Variants in WNT3A observed in about 807,000 individuals in gnomAD.
The protein encoded by WNT3A is protein Wnt-3a.
In WNT3A, 17 loss-of-function variants were observed where a neutral mutation model predicts 37.0. The ratio of observed to expected loss-of-function variants is 0.46; its 90% confidence interval spans 0.31 to 0.69. The LOEUF is 0.69. Ranked by LOEUF, WNT3A falls within the 30% of genes least tolerant of loss-of-function variation. The pLI is 0.05. For synonymous variants in WNT3A, 187 were observed against 211.0 expected, an observed-to-expected ratio of 0.89 and a Z score of 0.99; for missense variants, 411 against 510.2, an observed-to-expected ratio of 0.81 and a Z score of 1.87.
intron 2 of WNT3A, among the ~76,000 whole-genome samples, chr1:228,023,114 CT>C (rs1481543393): frequency 6.6e-6 from 1 of 152,260 alleles, no homozygotes; most frequent in Non-Finnish European, 1.5e-5. Context: ...CCTCCTCCTC[CT>C]GCTCCCTGGA....
chr1:228,022,908 G>A lies in WNT3A; in HGVS notation c.313G>A (p.Ala105Thr). ...LAIFGPVLDK[A>T]TRESAFVHAI... ...CATCTTCGGGCCCGTGCTGGACAAA[G>A]GTATGGGGGTGGTCTGGGGGAGGGC... The change falls in exon 2 of 4, where the codon GCT becomes ACT. Residue 105 changes from alanine (A) to threonine (T), a missense_variant and splice_region_variant. Physicochemically the swap from Ala to Thr is moderately conservative, Grantham distance 58 (BLOSUM62 0). Coordinates refer to ENST00000284523, the MANE Select transcript of WNT3A (RefSeq NM_033131.4). 6.2e-7 allele frequency: 1 copy of A among 1,600,580 alleles called. No homozygotes were observed. The highest frequency in any genetic ancestry group is 8.5e-7 in the Non-Finnish European group (1 of 1,170,278).
rs747975567 is a variant in WNT3A, at chr1:228,060,238, G to T, written c.*773G>T. 2.2e-6 allele frequency: 3 copies of T among 1,351,772 alleles called. No individual in the cohort carries two copies. Among genetic ancestry groups the T allele is most frequent in the Non-Finnish European group, 2.9e-6 (3 of 1,021,520 alleles). The allele number at this position is 1,351,772 out of a possible 1,614,324, so 83.7% of individuals were successfully genotyped here. A position where few individuals can be genotyped will look rare whatever the true frequency, so the allele number is the denominator to read the frequency against. On this transcript the variant is annotated 3_prime_UTR_variant, in exon 4 of 4. Coordinates refer to ENST00000284523, the MANE Select transcript of WNT3A (RefSeq NM_033131.4). ...CCAGAGCAGGAAATTCAGCCCACCA[G>T]CCACCTCATCCCCAACCCCCTGTAA...
At chr1:228,019,192 C>G (rs2030618936) in intron 1 of WNT3A, among the ~76,000 whole-genome samples, 1 of 152,218 alleles carries the variant, frequency 6.6e-6, no homozygotes, top group Non-Finnish European at 1.5e-5. Context: ...CACCTCTCTG[C>G]TTTATCTAGA....
At chr1:228,044,055 C>T (rs1017061681) in intron 2 of WNT3A, among the ~76,000 whole-genome samples, 3 of 152,112 alleles carry the variant, frequency 2.0e-5, no homozygotes, top group African/African-American at 7.2e-5. Context: ...GAACACGGCT[C>T]ACTGCAGCCT....
At chr1:228,046,031 C>G (rs926269931) in intron 2 of WNT3A, among the ~76,000 whole-genome samples, 3 of 152,192 alleles carry the variant, frequency 2.0e-5, no homozygotes, top group Non-Finnish European at 4.4e-5. Flanking sequence ...AGAGGACACC[C>G]GATCCCTGGC....
chr1:228,041,366 C>A (rs1034792), intron 2 of WNT3A, among the ~76,000 whole-genome samples: 16,901 of 151,998 alleles, frequency 0.11, 1,059 homozygotes, highest in East Asian at 0.24. Context: ...TCACCTTCTC[C>A]GACTTTATCC....
chr1:228,044,774 C>T (rs779272113), intron 2 of WNT3A, among the ~76,000 whole-genome samples: 1 of 152,212 alleles, frequency 6.6e-6, no homozygotes, highest in Admixed American at 6.5e-5. Flanking sequence ...GCTTAGAGAC[C>T]TTGTGGCTTC....
chr1:228,042,640 A>C lies in WNT3A; in HGVS notation c.314-8016A>C, dbSNP rs538850648. Among the ~76,000 whole-genome samples, 1 of 151,668 alleles carries C rather than the reference A, an allele frequency of 6.6e-6. No homozygotes were observed. The highest frequency in any genetic ancestry group is 6.6e-5 in the Admixed American group (1 of 15,238). On this transcript the variant is annotated intron_variant, in intron 2 of 3. Transcript: ENST00000284523. This position sits in a 1 kb window ranked among gnomAD's most constrained non-coding sequence, Gnocchi z 5.2. ...TGGATAATGGGTGAATGGATGGATG[A>C]GTGGTGGTAGATGGTGGATGATGGG...
At chr1:228,025,842 C>T (rs113094693) in intron 2 of WNT3A, among the ~76,000 whole-genome samples, 5,626 of 152,202 alleles carry the variant, frequency 0.037, 350 homozygotes, top group African/African-American at 0.13. Context: ...ACCATCTCAG[C>T]TCACTGTACT....
chr1:228,046,446 A>C (rs757851215), intron 2 of WNT3A, among the ~76,000 whole-genome samples: 6 of 73,804 alleles, frequency 8.1e-5, no homozygotes, highest in Non-Finnish European at 1.3e-4. Context: ...ATGTGTGTGC[A>C]TGTGTCTGTG....
chr1:228,018,149 G>A (rs1457130395), intron 1 of WNT3A, among the ~76,000 whole-genome samples: 3 of 152,124 alleles, frequency 2.0e-5, no homozygotes, highest in Admixed American at 2.0e-4. Context: ...TCTCGAAGAC[G>A]GGGTTCTCAT....
chr1:228,028,381 C>T (rs2030907127), intron 2 of WNT3A, among the ~76,000 whole-genome samples: 1 of 150,350 alleles, frequency 6.7e-6, no homozygotes, highest in African/African-American at 2.5e-5. Context: ...GCAACCTCTG[C>T]CTCCCAGGTT....
At chr1:228,041,553 A>AT (rs775761550) in intron 2 of WNT3A, among the ~76,000 whole-genome samples, 1 of 151,072 alleles carries the variant, frequency 6.6e-6, no homozygotes, top group African/African-American at 2.4e-5. Context: ...CCATCCATCC[A>AT]CCATCCATCA....
chr1:228,044,256 T>C (rs2031351519), intron 2 of WNT3A, among the ~76,000 whole-genome samples: 1 of 152,238 alleles, frequency 6.6e-6, no homozygotes. Flanking sequence ...GGAGTGGCAC[T>C]GAGAGTCCTG....
chr1:228,055,213 T>TAC (rs1221775309), intron 3 of WNT3A, among the ~76,000 whole-genome samples: 2 of 100,890 alleles, frequency 2.0e-5, no homozygotes, highest in Non-Finnish European at 3.8e-5. Context: ...TATATATATA[T>TAC]ATATATACAC....
At position 228,007,966 on chromosome 1, in the gene WNT3A, G is replaced by T. The variant is rs889413231; in HGVS notation, c.71+767G>T. Among the ~76,000 whole-genome samples the T allele has an allele frequency of 6.6e-6, 1 of 152,186 alleles. No individual in the cohort carries two copies. Among genetic ancestry groups the T allele is most frequent in the Non-Finnish European group, 1.5e-5 (1 of 68,038 alleles). ...CTCCACACCAGAAAAGGCGCGTTCC[G>T]TGAGACCCTCCCCAGCCTGGCGATG... is the stretch of plus-strand genomic sequence containing the variant. On this transcript the variant is annotated intron_variant, in intron 1 of 3. Coordinates refer to ENST00000284523, the MANE Select transcript of WNT3A (RefSeq NM_033131.4). This position sits in a 1 kb window ranked among gnomAD's most constrained non-coding sequence, Gnocchi z 6.0.
At chr1:228,058,951 C>T (rs752192119) in intron 3 of WNT3A, 35 bp from the exon 4 acceptor site, 3 of 1,569,356 alleles carry the variant, frequency 1.9e-6, no homozygotes, top group South Asian at 1.2e-5. Flanking sequence ...CACCAGGGGG[C>T]CGCCCTGACG....
At chr1:228,028,292 ATT>A (rs56294253) in intron 2 of WNT3A, among the ~76,000 whole-genome samples, 46,704 of 119,790 alleles carry the variant, frequency 0.39, 7,884 homozygotes, top group South Asian at 0.53. Context: ...GTTACATATA[ATT>A]TTTTTTTTTT....
chr1:228,050,504 G>C lies in WNT3A; in HGVS notation c.314-152G>C, dbSNP rs1571813525. The C allele has an allele frequency of 1.1e-6, 1 of 924,420 alleles. No individual in the cohort carries two copies. Among genetic ancestry groups the C allele is most frequent in the Non-Finnish European group, 1.5e-6 (1 of 659,630 alleles). 57.3% of individuals were successfully genotyped at this position (924,420 alleles called of 1,614,324 possible). A position where few individuals can be genotyped will look rare whatever the true frequency, so the allele number is the denominator to read the frequency against. On this transcript the variant is annotated intron_variant, in intron 2 of 3. Coordinates refer to ENST00000284523, the MANE Select transcript of WNT3A (RefSeq NM_033131.4). This position sits in a 1 kb window ranked among gnomAD's most constrained non-coding sequence, Gnocchi z 5.0. Reference sequence around the variant, plus strand: ...GAGCCATGCTTCTGTGTAGCCTGTAGATCCGTGAACCAAGTAAGCCTCTTT... The same window carrying C: ...GAGCCATGCTTCTGTGTAGCCTGTACATCCGTGAACCAAGTAAGCCTCTTT...
Sources: gnomAD v4.1 joint callset for allele counts (sites outside exome capture counted in the v4.1 genomes callset) on GRCh38, gnomAD v4.1.1 for gene constraint, Gnocchi (gnomAD v3.1) non-coding constraint, MANE v1.5 for transcripts, NCBI Gene and HGNC (gene_info 2026-07-23, HGNC 2026-07-21) for gene names.